Variants in ZNF385D observed in about 807,000 individuals in gnomAD.
The protein encoded by ZNF385D is zinc finger protein 385D, also known as zinc finger protein 659.
A neutral mutation model predicts 35.8 loss-of-function variants in ZNF385D; 15 were observed. The ratio of observed to expected loss-of-function variants is 0.42; its 90% CI spans 0.28 to 0.64. The LOEUF (loss-of-function observed/expected upper bound fraction) is 0.64. Among genes scored for constraint, ZNF385D ranks in the 30% least tolerant of loss-of-function variants. The probability of loss-of-function intolerance (pLI) is 0.23; values close to 1 mark genes in which losing one functional copy is unlikely to be tolerated. For synonymous variants in ZNF385D, 212 were observed against 186.8 expected (o/e 1.13, Z -1.10); for missense variants, 474 against 494.6 (o/e 0.96, Z 0.39).
rs372736303 is a variant in ZNF385D at position 21,513,890 on chromosome 3, T to C, written c.277-2867A>G. ...TTCAGGTATGCTGTATAACAGTGTATTCCCTATGTGAAGGCAGAAAACCCA... is the reference window on the plus strand; with the variant it reads ...TTCAGGTATGCTGTATAACAGTGTACTCCCTATGTGAAGGCAGAAAACCCA... On this transcript the variant is annotated intron_variant, in intron 3 of 7. Coordinates refer to ENST00000281523, the MANE Select transcript of ZNF385D (RefSeq NM_024697.3). Among the ~76,000 whole-genome samples the C allele has an allele frequency of 3.9e-4, 60 of 152,300 alleles. 1 individual carries two copies. The South Asian group carries it at 0.012, about 30-fold the overall frequency.
At chr3:22,091,345 A>G (rs187631064) in intron 3 of ZNF385D, among the ~76,000 whole-genome samples, 1 of 152,318 alleles carries the variant, frequency 6.6e-6, no homozygotes, top group East Asian at 1.9e-4. Context: ...CAGATACTGT[A>G]GGGGATTCTG....
At chr3:22,282,172 T>C (rs905997304) in intron 2 of ZNF385D, among the ~76,000 whole-genome samples, 4 of 152,082 alleles carry the variant, frequency 2.6e-5, no homozygotes, top group Non-Finnish European at 5.9e-5. Context: ...GGTCTATCAA[T>C]TTTTTATCTT....
At chr3:21,810,972 G>A (rs968765513) in intron 3 of ZNF385D, among the ~76,000 whole-genome samples, 4 of 75,954 alleles carry the variant, frequency 5.3e-5, no homozygotes, top group East Asian at 3.7e-4. Flanking sequence ...GTGTGTATAC[G>A]TGTGTGTGTG....
At position 21,836,129 on chromosome 3, in the gene ZNF385D, G is replaced by GA. The variant is rs772545802; in HGVS notation, c.326-171102dup. On this transcript the variant is annotated intron_variant, in intron 3 of 5. Coordinates refer to the ZNF385D transcript ENST00000494108. ...GCAGATTATGGAAGCAAATTTTGGGGAAAAAAAGTTATTTTTAGGGCTAAT... is the reference window on the plus strand; with the variant it reads ...GCAGATTATGGAAGCAAATTTTGGGGAAAAAAAAGTTATTTTTAGGGCTAAT... Among the ~76,000 whole-genome samples the GA allele has an allele frequency of 4.8e-4, 73 of 151,776 alleles. 1 individual carries two copies. Among genetic ancestry groups the GA allele is most frequent in the African/African-American group, 1.5e-3 (64 of 41,386 alleles).
At chr3:21,527,464 C>A (rs1337409515) in intron 3 of ZNF385D, among the ~76,000 whole-genome samples, 1 of 151,944 alleles carries the variant, frequency 6.6e-6, no homozygotes, top group Non-Finnish European at 1.5e-5. Flanking sequence ...TTTTTCTACT[C>A]CTAAAATATT....
chr3:21,578,409 A>C (rs1444931448), intron 2 of ZNF385D, among the ~76,000 whole-genome samples: 1 of 152,150 alleles, frequency 6.6e-6, no homozygotes, highest in Admixed American at 6.6e-5. Flanking sequence ...GCCCAGACCA[A>C]TGTACTAAAG....
chr3:21,464,743 A>AACACACAAACACACATACACACAC (rs1553589980), intron 4 of ZNF385D, among the ~76,000 whole-genome samples: 5 of 150,198 alleles, frequency 3.3e-5, no homozygotes, highest in African/African-American at 1.2e-4. Context: ...AATAAATTAA[A>AACACACAAACACACATACACACAC]ACACACACAC....
intron 3 of ZNF385D, among the ~76,000 whole-genome samples, chr3:22,063,251 T>G (rs567187074): frequency 1.3e-5 from 2 of 152,304 alleles, no homozygotes; most frequent in Admixed American, 1.3e-4. Flanking sequence ...AATTAAACAA[T>G]TTATTGTAGT....
chr3:21,978,195 C>A (rs1703758065), intron 3 of ZNF385D: 1 of 152,184 alleles, frequency 6.6e-6, no homozygotes, highest in Non-Finnish European at 1.5e-5. Context: ...TTGCTCTTTA[C>A]TGCAATCTCT....
intron 3 of ZNF385D, among the ~76,000 whole-genome samples, chr3:21,817,023 A>G (rs1323467805): frequency 6.6e-6 from 1 of 152,198 alleles, no homozygotes; most frequent in East Asian, 1.9e-4. Context: ...CCTCAGAAAT[A>G]ATACCACACA....
intron 3 of ZNF385D, among the ~76,000 whole-genome samples, chr3:22,119,349 C>G (rs1201422478): frequency 6.6e-6 from 1 of 151,952 alleles, no homozygotes; most frequent in Non-Finnish European, 1.5e-5. Flanking sequence ...AAAATCATAT[C>G]TTCTTGTCAT....
chr3:21,496,467 TATATATAC>T (rs1248702386), intron 4 of ZNF385D, among the ~76,000 whole-genome samples: 50 of 77,018 alleles, frequency 6.5e-4, no homozygotes, highest in African/African-American at 2.7e-3. Context: ...ATATATATCA[TATATATAC>T]ATATATACAC....
chr3:22,048,993 G>A (rs368057814), intron 3 of ZNF385D, among the ~76,000 whole-genome samples: 23 of 152,102 alleles, frequency 1.5e-4, no homozygotes, highest in African/African-American at 5.3e-4. Context: ...TTCATTGTTA[G>A]TGTATAGAAA....
At chr3:21,831,203 C>CT (rs1416934225) in intron 3 of ZNF385D, among the ~76,000 whole-genome samples, 1 of 152,046 alleles carries the variant, frequency 6.6e-6, no homozygotes, top group Non-Finnish European at 1.5e-5. Context: ...CTGGAACGTC[C>CT]TTTTTCTTAT....
chr3:22,067,946 G>C (rs1700037541), intron 3 of ZNF385D, among the ~76,000 whole-genome samples: 1 of 151,922 alleles, frequency 6.6e-6, no homozygotes, highest in Admixed American at 6.5e-5. Context: ...CCGGGAGGCA[G>C]AGGTTGCAGT....
chr3:22,211,029 T>C (rs1416142400), intron 2 of ZNF385D, among the ~76,000 whole-genome samples: 1 of 151,940 alleles, frequency 6.6e-6, no homozygotes, highest in Non-Finnish European at 1.5e-5. Context: ...TTGTTCTCAC[T>C]TGCTTTTCCA....
rs558640149 is a variant in ZNF385D, at chr3:21,702,440, G to A, written c.23-37412C>T. 8.5e-4 allele frequency among the ~76,000 whole-genome samples: 129 copies of A among 152,302 alleles called. 1 individual carries two copies. Among genetic ancestry groups the A allele is most frequent in the African/African-American group, 2.7e-3 (114 of 41,570 alleles). On this transcript the variant is annotated intron_variant, in intron 1 of 7. Coordinates refer to ENST00000281523, the MANE Select transcript of ZNF385D (RefSeq NM_024697.3). ...GCCCATGAAACCACATTTTCCTCCT[G>A]GGCCTCCAGGCCTGTGATGGGAGGG... is the stretch of plus-strand genomic sequence containing the variant.
chr3:21,964,419 AAAAAAAAAAAAAAG>A (rs1476517559), intron 3 of ZNF385D, among the ~76,000 whole-genome samples: 17 of 97,772 alleles, frequency 1.7e-4, no homozygotes, highest in Non-Finnish European at 2.2e-4. Context: ...TTGTAAAAAA[AAAAAAAAAAAAAAG>A]AAAAAAAAAA....
chr3:21,594,450 C>T (rs528266191), intron 2 of ZNF385D, among the ~76,000 whole-genome samples: 1 of 152,134 alleles, frequency 6.6e-6, no homozygotes, highest in Non-Finnish European at 1.5e-5. Flanking sequence ...AGGGAAAATG[C>T]CAATCAACAG....
Sources: allele counts gnomAD v4.1 joint callset (sites outside exome capture counted in the v4.1 genomes callset), GRCh38; gene constraint gnomAD v4.1.1; transcripts MANE v1.5; gene names NCBI Gene and HGNC (gene_info 2026-07-23, HGNC 2026-07-21).